GAK: variants seen among roughly 807,000 people sequenced by gnomAD.
GAK encodes the protein cyclin-G-associated kinase.
GAK carries 79 observed loss-of-function variants against 143.9 expected under a neutral mutation model. The observed-to-expected ratio is 0.55, with a 90% CI of 0.46 to 0.66. The LOEUF is 0.66. Among genes scored for constraint, GAK ranks in the 30% least tolerant of loss-of-function variants. The probability of loss-of-function intolerance (pLI) is 0.00; values close to 1 mark genes in which losing one functional copy is unlikely to be tolerated. For missense variants in GAK, 1,693 were observed against 1,779.7 expected (o/e 0.95, Z 0.88); for synonymous variants, 881 against 765.5 (o/e 1.15, Z -2.49).
At chr4:861,948 G>C (rs1750352842) in intron 23 of GAK, among the ~76,000 whole-genome samples, 1 of 152,262 alleles carries the variant, frequency 6.6e-6, no homozygotes. Context: ...AGCCAGCAGG[G>C]GCTGAGGCTG....
chr4:912,105 A>G (rs1316388719), intron 3 of GAK: 3 of 466,070 alleles, frequency 6.4e-6, no homozygotes, highest in Non-Finnish European at 1.3e-5. Context: ...GTGCGCAGGG[A>G]GGCTGCGGCG....
chr4:897,554 A>G (rs1478036077), intron 6 of GAK, among the ~76,000 whole-genome samples: 2 of 152,186 alleles, frequency 1.3e-5, no homozygotes, highest in Non-Finnish European at 2.9e-5. Flanking sequence ...GAGGAGAGCC[A>G]AGGACGTGAG....
intron 24 of GAK, among the ~76,000 whole-genome samples, chr4:857,802 C>T (rs1464245232): frequency 2.0e-5 from 3 of 152,122 alleles, no homozygotes; most frequent in Admixed American, 6.5e-5. Context: ...AGGCTTATTT[C>T]GCTCCCTTTT....
rs1715729388 is a variant in GAK at position 884,039 on chromosome 4, G to A, written c.1253C>T (p.Ala418Val). Residue 418 changes from alanine (A) to valine (V), a missense_variant and splice_region_variant, in exon 12 of 28, where the codon GCA becomes GTA. Physicochemically the swap from Ala to Val is moderately conservative, Grantham distance 64. Coordinates refer to ENST00000314167, the MANE Select transcript of GAK (RefSeq NM_005255.4). Reference protein sequence around the residue: ...LDISYITSRIAVMSFPAEGVE... With the variant: ...LDISYITSRIVVMSFPAEGVE... ...ACAGCCTCATGTGGCACGCATACCT[G>A]CAATTCTGGATGTGATGTAAGATAT... 2 of 1,613,462 alleles carry A rather than the reference G, an allele frequency of 1.2e-6. No individual in the cohort carries two copies. Among genetic ancestry groups the A allele is most frequent in the Non-Finnish European group, 1.7e-6 (2 of 1,179,676 alleles).
chr4:873,552 G>C (rs1016816785), intron 18 of GAK, among the ~76,000 whole-genome samples: 1 of 151,810 alleles, frequency 6.6e-6, no homozygotes, highest in Admixed American at 6.5e-5. Context: ...CCTGGGGAGA[G>C]AGGCGGCCAT....
chr4:882,528 G>A (rs572204435), intron 14 of GAK, among the ~76,000 whole-genome samples, 169 bp downstream of exon 14: 1 of 152,346 alleles, frequency 6.6e-6, no homozygotes, highest in East Asian at 1.9e-4. Context: ...GGGGCCATCT[G>A]TCATCTGTCC....
rs867202645 is a variant in GAK, at chr4:873,325, T to C, written c.2055-2421A>G. On this transcript the variant is annotated intron_variant, in intron 18 of 27. Transcript: ENST00000314167. ...GGTCACTTAACGAGCATACGGTCTC[T>C]GGGTGTTTTCCTGTCACTGATTCCC... 2.0e-5 allele frequency among the ~76,000 whole-genome samples: 3 copies of C among 152,328 alleles called. No homozygotes were observed. The South Asian group carries it at 6.2e-4, about 32-fold the overall frequency.
At chr4:901,780 C>T (rs1361298343) in intron 5 of GAK, among the ~76,000 whole-genome samples, 1 of 152,220 alleles carries the variant, frequency 6.6e-6, no homozygotes, top group Non-Finnish European at 1.5e-5. Context: ...CCAAGGACAG[C>T]ACAGGGCATC....
At chr4:881,043 C>T (rs898288934) in intron 15 of GAK, among the ~76,000 whole-genome samples, 1 of 152,104 alleles carries the variant, frequency 6.6e-6, no homozygotes, top group Non-Finnish European at 1.5e-5. Flanking sequence ...CTCCTCCCCC[C>T]AAGGCTGTGA....
At chr4:856,835 C>T (rs1165362488) in intron 24 of GAK, among the ~76,000 whole-genome samples, 1 of 152,226 alleles carries the variant, frequency 6.6e-6, no homozygotes, top group Non-Finnish European at 1.5e-5. Flanking sequence ...GTTGGCCTCC[C>T]AGAGCACTGG....
chr4:870,783 T>A lies in GAK; in HGVS notation c.2176A>T (p.Ser726Cys), dbSNP rs754039311. The change falls in exon 19 of 28, where the codon AGC becomes TGC. Residue 726 changes from serine (S) to cysteine (C), a missense_variant. Ser to Cys is a moderately radical substitution (Grantham distance 112). This residue lies in a region of GAK where 822 missense variants were observed against 788.7 expected (regional missense o/e 1.04). Transcript: ENST00000314167. ...ATTTTGGGGTTCAGCCCCCTCATGCTCGAGTTCTCCCATGGTGGGGCTTCC... is the reference window on the plus strand; with the variant it reads ...ATTTTGGGGTTCAGCCCCCTCATGCACGAGTTCTCCCATGGTGGGGCTTCC... The part of the protein sequence containing the change: ...SREAPPWENS[S>C]MRGLNPKILF... The A allele has an allele frequency of 7.6e-5, 122 of 1,614,016 alleles. No homozygotes were observed. The highest frequency in any genetic ancestry group is 1.0e-4 in the Non-Finnish European group (119 of 1,180,008).
At chr4:929,620 G>C (rs112013038) in intron 1 of GAK, among the ~76,000 whole-genome samples, 1 of 151,710 alleles carries the variant, frequency 6.6e-6, no homozygotes, top group Admixed American at 6.6e-5. Flanking sequence ...TCGGGAGGCC[G>C]AGGCAGGAAG....
chr4:883,915 T>A (rs546463202), intron 12 of GAK, 122 bp downstream of exon 12: 12 of 974,822 alleles, frequency 1.2e-5, no homozygotes, highest in Middle Eastern at 2.8e-4. Flanking sequence ...GTCACCCCTG[T>A]GAGTCTGTGG....
chr4:932,306 A>C lies in GAK; in HGVS notation c.-119T>G. Reference sequence around the variant, plus strand: ...CGGAGGTGCACCATCTTCCGCCTCGACGCCGTGACGTAGGCGCCCGTGAGG... The same window carrying C: ...CGGAGGTGCACCATCTTCCGCCTCGCCGCCGTGACGTAGGCGCCCGTGAGG... On this transcript the variant is annotated 5_prime_UTR_variant, in exon 1 of 28. Coordinates refer to ENST00000314167, the MANE Select transcript of GAK (RefSeq NM_005255.4). This position sits in a 1 kb window ranked among gnomAD's most constrained non-coding sequence, Gnocchi z 4.0. The C allele has an allele frequency of 7.3e-7, 1 of 1,378,870 alleles. No individual in the cohort carries two copies. The highest frequency in any genetic ancestry group is 3.0e-5 in the East Asian group (1 of 33,364). 85.4% of individuals were successfully genotyped at this position (1,378,870 alleles called of 1,614,324 possible).
chr4:849,462 C>G lies in GAK; in HGVS notation c.*211G>C. On this transcript the variant is annotated 3_prime_UTR_variant, in exon 28 of 28. Coordinates refer to ENST00000314167, the MANE Select transcript of GAK (RefSeq NM_005255.4). ...GCGGGAGGAGCATGAATCAGCTGTT[C>G]CTTCGGGAGGAGAAAAAGGAAACAA... is the stretch of plus-strand genomic sequence containing the variant. The G allele has an allele frequency of 1.7e-6, 1 of 573,496 alleles. No individual in the cohort carries two copies. The highest frequency in any genetic ancestry group is 3.1e-6 in the Non-Finnish European group (1 of 318,524). 35.5% of individuals were successfully genotyped at this position (573,496 alleles called of 1,614,324 possible).
At chr4:850,781 C>T in intron 26 of GAK, 155 bp downstream of exon 26, 1 of 784,338 alleles carries the variant, frequency 1.3e-6, no homozygotes, top group Non-Finnish European at 1.9e-6. Context: ...GTGACAGGTC[C>T]CTGTCTGGAG....
chr4:895,192 G>C lies in GAK; in HGVS notation c.742-1183C>G, dbSNP rs541612471. On this transcript the variant is annotated intron_variant, in intron 7 of 27. Transcript: ENST00000314167. ...CCCCATATGCAGGGTGTAGGGCACA[G>C]GGCAGAAGCTGCAGGAAGCAGCCTC... is the stretch of plus-strand genomic sequence containing the variant. 5.3e-5 allele frequency among the ~76,000 whole-genome samples: 8 copies of C among 152,312 alleles called. No individual in the cohort carries two copies. The South Asian group carries it at 1.7e-3, about 32-fold the overall frequency.
chr4:922,761 A>C (rs191322565), intron 1 of GAK, among the ~76,000 whole-genome samples: 4 of 152,324 alleles, frequency 2.6e-5, no homozygotes, highest in African/African-American at 9.6e-5. Context: ...TAACAAACTA[A>C]ACACATAATT....
At chr4:860,662 AGG>A (rs1488242185) in intron 23 of GAK, among the ~76,000 whole-genome samples, 10 of 152,122 alleles carry the variant, frequency 6.6e-5, no homozygotes, top group Non-Finnish European at 4.4e-5. Flanking sequence ...AGCGCACTTG[AGG>A]GGACGGGCAC....
Sources: gnomAD v4.1 joint callset for allele counts (sites outside exome capture counted in the v4.1 genomes callset) on GRCh38, gnomAD v4.1.1 for gene constraint, gnomAD v4.1.1 regional missense constraint, Gnocchi (gnomAD v3.1) non-coding constraint, MANE v1.5 for transcripts, NCBI Gene and HGNC (gene_info 2026-07-23, HGNC 2026-07-21) for gene names.